UBR2: variants seen among roughly 807,000 people sequenced by gnomAD.
The protein encoded by UBR2 is E3 ubiquitin-protein ligase UBR2.
Under a neutral mutation model 247.9 loss-of-function variants are expected in UBR2, and 92 were observed. The ratio of observed to expected loss-of-function variants is 0.37; its 90% CI spans 0.31 to 0.44. The LOEUF is 0.44. UBR2 is among the 20% of genes least tolerant of loss of function. The pLI is 1.00. For missense variants in UBR2, 1,613 were observed against 2,112.6 expected, an observed-to-expected ratio of 0.76 and a Z score of 4.64; for synonymous variants, 672 against 693.5, an observed-to-expected ratio of 0.97 and a Z score of 0.49.
intron 1 of UBR2, among the ~76,000 whole-genome samples, chr6:42,565,384 G>T (rs1728741257): frequency 6.6e-6 from 1 of 152,162 alleles, no homozygotes; most frequent in African/African-American, 2.4e-5. Flanking sequence ...TGAATGCTAC[G>T]AACAAAATTT....
Position 42,566,630 on chromosome 6 carries a change from C to T in UBR2, c.78+2233C>T, listed in dbSNP as rs192855737. 3.9e-5 allele frequency among the ~76,000 whole-genome samples: 6 copies of T among 152,330 alleles called. No individual in the cohort carries two copies. In the East Asian group the frequency reaches 7.7e-4, roughly 20 times the overall value. On this transcript the variant is annotated intron_variant, in intron 1 of 46. Coordinates refer to ENST00000372901, the MANE Select transcript of UBR2 (RefSeq NM_001363705.2). ...CTCGAACTCCTGACCTCAGGTTATC[C>T]GTCCGCCTTGGCCTCCCAAAGTCCT...
chr6:42,658,360 A>G (rs1275439037), intron 28 of UBR2, 40 bp downstream of exon 28: 1 of 1,554,874 alleles, frequency 6.4e-7, no homozygotes, highest in Non-Finnish European at 8.7e-7. Flanking sequence ...AAAAAATTAC[A>G]GCAAGTTCAG....
At chr6:42,606,183 C>T (rs1157914645) in intron 6 of UBR2, among the ~76,000 whole-genome samples, 2 of 151,276 alleles carry the variant, frequency 1.3e-5, no homozygotes, top group Non-Finnish European at 2.9e-5. Flanking sequence ...GCAGAGGTTG[C>T]AGTGAGCCGA....
intron 11 of UBR2, among the ~76,000 whole-genome samples, chr6:42,618,061 A>G (rs960864423): frequency 6.6e-6 from 1 of 152,196 alleles, no homozygotes; most frequent in Non-Finnish European, 1.5e-5. Context: ...ACACCTATTT[A>G]TTGGGCACAG....
At chr6:42,610,102 A>C (rs957611561) in intron 7 of UBR2, among the ~76,000 whole-genome samples, 4 of 151,868 alleles carry the variant, frequency 2.6e-5, no homozygotes, top group Admixed American at 1.3e-4. Flanking sequence ...GCTTGAGCCC[A>C]GGAGTTCAAG....
intron 15 of UBR2, among the ~76,000 whole-genome samples, chr6:42,638,797 C>T (rs550558946): frequency 6.6e-6 from 1 of 151,632 alleles, no homozygotes; most frequent in African/African-American, 2.4e-5. Flanking sequence ...CTGTCTCCAA[C>T]TGAGCCACTG....
At chr6:42,681,497 G>A (rs983159345) in intron 42 of UBR2, among the ~76,000 whole-genome samples, 8 of 152,172 alleles carry the variant, frequency 5.3e-5, no homozygotes, top group Non-Finnish European at 8.8e-5. Context: ...AAAAGCATAC[G>A]AAAAGATGCT....
At chr6:42,616,518 G>A (rs1307150413) in intron 10 of UBR2, among the ~76,000 whole-genome samples, 2 of 151,358 alleles carry the variant, frequency 1.3e-5, no homozygotes, top group Non-Finnish European at 2.9e-5. Flanking sequence ...TTTTGGAGGG[G>A]GGGCATGATC....
chr6:42,565,114 T>C (rs1034683606), intron 1 of UBR2, among the ~76,000 whole-genome samples: 1 of 152,218 alleles, frequency 6.6e-6, no homozygotes, highest in East Asian at 1.9e-4. Context: ...CAACAAATAC[T>C]GTATAAGCTA....
intron 30 of UBR2, among the ~76,000 whole-genome samples, chr6:42,660,560 A>G (rs968900378): frequency 6.6e-6 from 1 of 152,018 alleles, no homozygotes; most frequent in Non-Finnish European, 1.5e-5. Flanking sequence ...TGCCTTTCAC[A>G]CTGCAGCGTG....
At chr6:42,686,223 GCGGCCTTC>G (rs1799385164) in intron 44 of UBR2, among the ~76,000 whole-genome samples, 1 of 152,026 alleles carries the variant, frequency 6.6e-6, no homozygotes, top group Non-Finnish European at 1.5e-5. Context: ...AGAGGTCCCT[GCGGCCTTC>G]CGCAGTGTTT....
intron 8 of UBR2, 56 bp from the exon 9 acceptor site, chr6:42,615,015 T>A: frequency 1.4e-6 from 2 of 1,434,872 alleles, no homozygotes; most frequent in Admixed American, 1.9e-5. Flanking sequence ...TACTAAAATG[T>A]CACTATTTTA....
intron 2 of UBR2, 119 bp from the exon 3 acceptor site, chr6:42,592,031 TA>T: frequency 1.0e-6 from 1 of 986,736 alleles, no homozygotes; most frequent in Non-Finnish European, 1.5e-6. Context: ...CTTCCTTTTT[TA>T]AAACACCAAA....
intron 22 of UBR2, 63 bp from the exon 23 acceptor site, chr6:42,650,221 A>T: frequency 7.5e-7 from 1 of 1,335,498 alleles, no homozygotes; most frequent in Non-Finnish European, 1.1e-6. Context: ...AATATCCAAG[A>T]CTATCTCTCA....
chr6:42,572,765 T>G (rs1296838923), intron 1 of UBR2, among the ~76,000 whole-genome samples: 1 of 152,004 alleles, frequency 6.6e-6, no homozygotes, highest in Non-Finnish European at 1.5e-5. Flanking sequence ...TCGCCCAGGC[T>G]GGATCTTGGC....
intron 2 of UBR2, among the ~76,000 whole-genome samples, chr6:42,584,306 T>C (rs770301466): frequency 6.6e-6 from 1 of 152,218 alleles, no homozygotes; most frequent in Non-Finnish European, 1.5e-5. Context: ...TGAGTTGCTT[T>C]GATATCTTAT....
chr6:42,573,741 T>A lies in UBR2; in HGVS notation c.86T>A (p.Leu29Gln), dbSNP rs767414424. The change falls in exon 2 of 47, where the codon CTG becomes CAG. Residue 29 changes from leucine to glutamine, a missense_variant. Coordinates refer to ENST00000372901, the MANE Select transcript of UBR2 (RefSeq NM_001363705.2). The stretch of plus-strand genomic sequence containing the variant: ...TCTTTTCTTCTTTTAAAGAAATGGC[T>A]GCAAGCAACTGACCTCACTAGAGAA... ...CSAEEIAGKW[L>Q]QATDLTREVY... 6.6e-7 allele frequency: 1 copy of A among 1,519,154 alleles called. No homozygotes were observed. The highest frequency in any genetic ancestry group is 1.3e-5 in the South Asian group (1 of 78,462). The allele number at this position is 1,519,154 out of a possible 1,614,324, so 94.1% of individuals were successfully genotyped here. A position where few individuals can be genotyped will look rare whatever the true frequency, so the allele number is the denominator to read the frequency against.
At chr6:42,642,778 A>G (rs1244852501) in intron 18 of UBR2, among the ~76,000 whole-genome samples, 2 of 152,194 alleles carry the variant, frequency 1.3e-5, no homozygotes, top group Non-Finnish European at 2.9e-5. Flanking sequence ...TGCTAAAGTC[A>G]TATACCTGAA....
chr6:42,611,188 C>T (rs1562307299), intron 7 of UBR2, among the ~76,000 whole-genome samples: 3 of 146,896 alleles, frequency 2.0e-5, no homozygotes, highest in Non-Finnish European at 4.5e-5. Context: ...ATGGGCTGGG[C>T]GCGGTGGCTC....
Sources: gnomAD v4.1 joint callset for allele counts (sites outside exome capture counted in the v4.1 genomes callset) on GRCh38, gnomAD v4.1.1 for gene constraint, MANE v1.5 for transcripts, NCBI Gene and HGNC (gene_info 2026-07-23, HGNC 2026-07-21) for gene names.